The following AKAP8 variants were observed in gnomAD, a reference collection of about 807,000 sequenced individuals.
AKAP8 encodes A-kinase anchoring protein 8, also known as A-kinase anchor protein 8.
AKAP8 carries 24 observed loss-of-function variants against 67.5 expected under a neutral mutation model. That is an observed-to-expected ratio of 0.36 (90% CI 0.26 to 0.50). The LOEUF (loss-of-function observed/expected upper bound fraction) is 0.50. Among genes scored for constraint, AKAP8 ranks in the 20% least tolerant of loss-of-function variants. The pLI, the probability that AKAP8 is intolerant of heterozygous loss-of-function variation, is 0.97. For missense variants in AKAP8, 971 were observed against 955.9 expected, an observed-to-expected ratio of 1.02 and a Z score of -0.21; for synonymous variants, 400 against 371.1, an observed-to-expected ratio of 1.08 and a Z score of -0.90.
intron 5 of AKAP8, among the ~76,000 whole-genome samples, chr19:15,372,628 G>A (rs1387705845): frequency 2.0e-5 from 3 of 152,142 alleles, no homozygotes; most frequent in Non-Finnish European, 2.9e-5. Context: ...GGGCGGGGAA[G>A]AGACAGGGGT....
chr19:15,361,061 C>A, intron 11 of AKAP8, 83 bp from the exon 12 acceptor site: 1 of 1,520,148 alleles, frequency 6.6e-7, no homozygotes. Context: ...CACGTTTTCT[C>A]CCTGCAACTC....
In AKAP8 at chr19:15,373,146, C is replaced by T. The variant is rs919960025; in HGVS notation, c.566G>A (p.Gly189Asp). Residue 189 changes from glycine to aspartate, a missense_variant, in exon 5 of 14, where the codon GGC becomes GAC. By Grantham distance (94) the Gly-to-Asp change is moderately conservative. Around this residue, in one of 3 missense-constraint regions of AKAP8, gnomAD observed 763 missense variants for 745.4 expected, o/e 1.02. Coordinates refer to ENST00000269701, the MANE Select transcript of AKAP8 (RefSeq NM_005858.4). ...GTCCTGGAAGCGGCCCTGGCCCCGG[C>T]CCCGCATGAAGCCATCAAGGGAGCC... ...ERGSLDGFMR[G>D]RGQGRFQDRS... The T allele has an allele frequency of 3.7e-6, 6 of 1,613,268 alleles. No individual in the cohort carries two copies. The highest frequency in any genetic ancestry group is 2.7e-5 in the African/African-American group (2 of 75,056).
intron 8 of AKAP8, chr19:15,368,709 G>A (rs1337434203): frequency 2.0e-6 from 2 of 985,314 alleles, no homozygotes; most frequent in African/African-American, 1.7e-5. Context: ...TGAAGAGGCG[G>A]CAGCTGAAGG....
chr19:15,368,452 G>A, intron 8 of AKAP8, 130 bp from the exon 9 acceptor site: 1 of 1,555,802 alleles, frequency 6.4e-7, no homozygotes, highest in Non-Finnish European at 8.6e-7. Flanking sequence ...CACGCGGCAG[G>A]GTCCAGGATG....
chr19:15,361,012 A>G (rs1966955720), intron 11 of AKAP8, 34 bp from the exon 12 acceptor site: 1 of 1,602,448 alleles, frequency 6.2e-7, no homozygotes, highest in Non-Finnish European at 8.5e-7. Flanking sequence ...AGGATCTGGG[A>G]CAGCAAGTGA....
Position 15,354,839 on chromosome 19 carries a change from T to C in AKAP8, c.*76A>G. On this transcript the variant is annotated 3_prime_UTR_variant, in exon 14 of 14. Coordinates refer to ENST00000269701, the MANE Select transcript of AKAP8 (RefSeq NM_005858.4). ...CATATTCTGGGAGCACACGCCCTTG[T>C]ACTGCTTACAAACCAAGGGAGAAAG... is the stretch of plus-strand genomic sequence containing the variant. The C allele has an allele frequency of 6.5e-7, 1 of 1,534,540 alleles. No homozygotes were observed. Among genetic ancestry groups the C allele is most frequent in the Non-Finnish European group, 8.9e-7 (1 of 1,126,366 alleles).
intron 7 of AKAP8, among the ~76,000 whole-genome samples, chr19:15,371,477 T>C (rs900826077): frequency 2.0e-5 from 3 of 152,064 alleles, no homozygotes; most frequent in Non-Finnish European, 2.9e-5. Flanking sequence ...GGAATGTTTG[T>C]TGTAAGTTGA....
At chr19:15,358,739 T>C (rs1385666424) in intron 13 of AKAP8, among the ~76,000 whole-genome samples, 1 of 152,124 alleles carries the variant, frequency 6.6e-6, no homozygotes, top group Admixed American at 6.6e-5. Context: ...AAAAATCCAT[T>C]ACGCACTGAT....
chr19:15,372,982 G>A lies in AKAP8; in HGVS notation c.730C>T (p.Pro244Ser), dbSNP rs761573604. 6.4e-7 allele frequency: 1 copy of A among 1,565,608 alleles called. No homozygotes were observed. Among genetic ancestry groups the A allele is most frequent in the Non-Finnish European group, 8.7e-7 (1 of 1,155,380 alleles). Reference protein sequence around the residue: ...GLGGPSPSRPPPSLFSQSMAP... With the variant: ...GLGGPSPSRPSPSLFSQSMAP... ...ATGGACTGGGAGAAGAGGGACGGAG[G>A]TGGCCGGCTGGGGGAGGGCCCTCCC... Residue 244 changes from proline (P) to serine (S), a missense_variant, in exon 5 of 14, where the codon CCT (proline) becomes TCT (serine). Around this residue, in one of 3 missense-constraint regions of AKAP8, gnomAD observed 763 missense variants for 745.4 expected, o/e 1.02. Transcript: ENST00000269701.
At chr19:15,359,359 G>A (rs1226365015) in intron 12 of AKAP8, among the ~76,000 whole-genome samples, 1 of 152,202 alleles carries the variant, frequency 6.6e-6, no homozygotes, top group African/African-American at 2.4e-5. Flanking sequence ...TGGACTCAGT[G>A]GAGGAAAAGG....
At position 15,353,661 on chromosome 19, in the gene AKAP8, C is replaced by G. The variant is rs2048259065; in HGVS notation, c.*1254G>C. On this transcript the variant is annotated 3_prime_UTR_variant, in exon 14 of 14. Coordinates refer to ENST00000269701, the MANE Select transcript of AKAP8 (RefSeq NM_005858.4). ...GCTTGGTGAGTTAGCCCCTGGTATA[C>G]AGTAGAGGCTCGGCAAATATTCTAC... 6.6e-6 allele frequency: 1 copy of G among 152,174 alleles called. No homozygotes were observed. Among genetic ancestry groups the G allele is most frequent in the African/African-American group, 2.4e-5 (1 of 41,426 alleles). 9.4% of individuals were successfully genotyped at this position (152,174 alleles called of 1,614,324 possible).
Position 15,372,987 on chromosome 19 carries a change from C to T in AKAP8, c.725G>A (p.Arg242Gln), listed in dbSNP as rs766422224. The T allele has an allele frequency of 8.9e-6, 14 of 1,564,922 alleles. No individual in the cohort carries two copies. Among genetic ancestry groups the T allele is most frequent in the Non-Finnish European group, 1.2e-5 (14 of 1,154,964 alleles). The change falls in exon 5 of 14, where the codon CGG becomes CAG. Residue 242 changes from arginine to glutamine, a missense_variant. This residue lies in a region of AKAP8 where 763 missense variants were observed against 745.4 expected (regional missense o/e 1.02). Coordinates refer to ENST00000269701, the MANE Select transcript of AKAP8 (RefSeq NM_005858.4). ...GRGLGGPSPS[R>Q]PPPSLFSQSM... Reference sequence around the variant, plus strand: ...CTGGGAGAAGAGGGACGGAGGTGGCCGGCTGGGGGAGGGCCCTCCCAGGCC... The same window carrying T: ...CTGGGAGAAGAGGGACGGAGGTGGCTGGCTGGGGGAGGGCCCTCCCAGGCC...
At chr19:15,372,043 C>T in intron 6 of AKAP8, 45 bp from the exon 7 acceptor site, 2 of 1,612,388 alleles carry the variant, frequency 1.2e-6, no homozygotes, top group African/African-American at 1.3e-5. Flanking sequence ...GGAGAACGGT[C>T]CCATCCGGTT....
At chr19:15,367,574 A>T (rs765846140) in intron 9 of AKAP8, among the ~76,000 whole-genome samples, 5 of 152,186 alleles carry the variant, frequency 3.3e-5, no homozygotes, top group Admixed American at 6.5e-5. Context: ...GTGAACCTTA[A>T]GGTCAAGGAT....
intron 11 of AKAP8, among the ~76,000 whole-genome samples, chr19:15,361,230 T>C (rs80040262): frequency 6.0e-5 from 9 of 149,966 alleles, no homozygotes; most frequent in African/African-American, 2.0e-4. Flanking sequence ...TTAATGTCAC[T>C]GATATAAGCT....
At position 15,376,989 on chromosome 19, in the gene AKAP8, A is replaced by G; in HGVS notation, c.45T>C (p.Pro15=). 6.2e-7 allele frequency: 1 copy of G among 1,613,200 alleles called. No homozygotes were observed. Among genetic ancestry groups the G allele is most frequent in the Admixed American group, 1.7e-5 (1 of 59,920 alleles). ...YGGYGAWSAG[P]ANTQGAYGTG... is the part of the protein sequence containing the mutation. ...GAGCCCACTTACCCTGGGTGTTGGC[A>G]GGTCCAGCACTCCACGCCCCGTAGC... The change falls in exon 2 of 14, where the codon CCT becomes CCC. Residue 15 remains proline, a synonymous_variant. Transcript: ENST00000269701.
rs1338764342 is a variant in AKAP8 at position 15,374,574 on chromosome 19, CCA to C, written c.91+27_91+28del. On this transcript the variant is annotated intron_variant, in intron 3 of 13. Transcript: ENST00000269701. The stretch of plus-strand genomic sequence containing the variant: ...TCAGATCAGAGGCCCACTTGCCCGC[CCA>C]CAGACCCCCCCCACAGAAGGGCTTA... The C allele has an allele frequency of 1.1e-5, 17 of 1,610,154 alleles. No homozygotes were observed. In the Admixed American group the frequency reaches 2.9e-4, roughly 27 times the overall value.
In AKAP8 at chr19:15,372,352, A is replaced by G. The variant is rs201510688; in HGVS notation, c.862-5T>C. 4.8e-5 allele frequency: 78 copies of G among 1,614,174 alleles called. No individual in the cohort carries two copies. The African/African-American group carries it at 9.6e-4, about 20-fold the overall frequency. On this transcript the variant is annotated splice_polypyrimidine_tract_variant and splice_region_variant and intron_variant, in intron 5 of 13. Transcript: ENST00000269701. ...GTCAAACCCTCTCCTCTTGGGCTAC[A>G]GACAACAAGCACACCCCATGAGCTA...
intron 13 of AKAP8, among the ~76,000 whole-genome samples, chr19:15,357,100 G>C (rs1223655679): frequency 6.6e-6 from 1 of 152,080 alleles, no homozygotes; most frequent in Non-Finnish European, 1.5e-5. Flanking sequence ...TGGGATTACA[G>C]GTGCCCGCCA....
Sources: allele counts gnomAD v4.1 joint callset (sites outside exome capture counted in the v4.1 genomes callset), GRCh38; gene constraint gnomAD v4.1.1; regional missense constraint gnomAD v4.1.1; transcripts MANE v1.5; gene names NCBI Gene and HGNC (gene_info 2026-07-23, HGNC 2026-07-21).